Variants in WWOX observed in about 807,000 individuals in gnomAD.
WWOX encodes the protein WW domain containing oxidoreductase, also known as WW domain-containing oxidoreductase.
In WWOX, 69 loss-of-function variants were observed where a neutral mutation model predicts 46.2. The ratio of observed to expected loss-of-function variants is 1.49; its 90% CI spans 1.23 to 1.82. WWOX has a LOEUF of 1.82. WWOX is among the 40% of genes most tolerant of loss of function. The pLI is 0.00. For synonymous variants in WWOX, 359 were observed against 202.6 expected, an observed-to-expected ratio of 1.77 and a Z score of -6.56; for missense variants, 919 against 542.6, an observed-to-expected ratio of 1.69 and a Z score of -6.89.
chr16:79,199,574 C>G (rs1041956978), intron 8 of WWOX, among the ~76,000 whole-genome samples: 2 of 152,140 alleles, frequency 1.3e-5, no homozygotes, highest in Non-Finnish European at 2.9e-5. Context: ...TACAATGAGA[C>G]TGTAGTAACT....
intron 8 of WWOX, among the ~76,000 whole-genome samples, chr16:78,707,840 TATAAATAAATAAATAAATAA>T (rs10582418): frequency 2.0e-4 from 29 of 143,858 alleles, no homozygotes; most frequent in South Asian, 4.5e-4. Flanking sequence ...GTCTCAAAAA[TATAAATAAATAAATAAATAA>T]ATAAATAAAT....
At chr16:78,211,296 C>T (rs1371422116) in intron 5 of WWOX, among the ~76,000 whole-genome samples, 1 of 152,180 alleles carries the variant, frequency 6.6e-6, no homozygotes, top group Non-Finnish European at 1.5e-5. Context: ...ACTCACACGT[C>T]ACAAGGAGTC....
intron 8 of WWOX, among the ~76,000 whole-genome samples, chr16:78,728,072 T>G (rs2048879108): frequency 7.0e-6 from 1 of 142,452 alleles, no homozygotes. Context: ...TTTTTTTTTT[T>G]TTTTTTTTTT....
chr16:78,514,607 C>T (rs546912152), intron 8 of WWOX, among the ~76,000 whole-genome samples: 2 of 152,280 alleles, frequency 1.3e-5, no homozygotes, highest in East Asian at 3.9e-4. Flanking sequence ...ATTTCCTTAC[C>T]TGTCCCAGGG....
intron 8 of WWOX, among the ~76,000 whole-genome samples, chr16:78,500,306 C>A (rs534679984): frequency 6.6e-6 from 1 of 152,280 alleles, no homozygotes; most frequent in South Asian, 2.1e-4. Context: ...ATTCCGCTTG[C>A]CAAGATTAAA....
At chr16:78,428,598 G>A (rs1451058926) in intron 7 of WWOX, among the ~76,000 whole-genome samples, 1 of 152,252 alleles carries the variant, frequency 6.6e-6, no homozygotes, top group Non-Finnish European at 1.5e-5. Context: ...TTCTAGATTA[G>A]GGATCAAGAA....
chr16:78,227,608 G>C (rs1243147535), intron 5 of WWOX, among the ~76,000 whole-genome samples: 2 of 152,184 alleles, frequency 1.3e-5, no homozygotes, highest in Non-Finnish European at 2.9e-5. Context: ...CGGATGCGGT[G>C]GCTCACACCT....
intron 8 of WWOX, among the ~76,000 whole-genome samples, chr16:78,670,125 G>T (rs1383350379): frequency 6.6e-6 from 1 of 151,392 alleles, no homozygotes; most frequent in Non-Finnish European, 1.5e-5. Context: ...GGGCTTCTCT[G>T]CGTCAGTAGA....
At chr16:78,565,801 C>T (rs1597276538) in intron 8 of WWOX, among the ~76,000 whole-genome samples, 1 of 152,102 alleles carries the variant, frequency 6.6e-6, no homozygotes, top group Non-Finnish European at 1.5e-5. Context: ...TAAGCTTTAT[C>T]CAGGGGGCCA....
chr16:78,476,481 A>C (rs955342352), intron 8 of WWOX, among the ~76,000 whole-genome samples: 2 of 152,178 alleles, frequency 1.3e-5, no homozygotes, highest in African/African-American at 4.8e-5. Context: ...GGAGAGGGAT[A>C]GCATTAGGAG....
intron 8 of WWOX, among the ~76,000 whole-genome samples, chr16:78,829,086 AGATGGATGGATGGATGGATGGATGGATG>A (rs59225171): frequency 1.4e-5 from 2 of 147,604 alleles, no homozygotes; most frequent in African/African-American, 5.1e-5. Context: ...TCCATCTGGA[AGATGGATGGATGGATGGATGGATGGATG>A]GATGGATGGA....
chr16:78,995,412 A>G (rs943386856), intron 8 of WWOX, among the ~76,000 whole-genome samples: 2 of 152,132 alleles, frequency 1.3e-5, no homozygotes, highest in Admixed American at 6.5e-5. Context: ...ATGAAAAGAA[A>G]GCCTTCCTTT....
At chr16:79,160,616 T>C (rs2050466654) in intron 8 of WWOX, among the ~76,000 whole-genome samples, 2 of 152,216 alleles carry the variant, frequency 1.3e-5, no homozygotes, top group African/African-American at 4.8e-5. Context: ...ATTTATTCTT[T>C]TTTTGAAGAG....
chr16:78,119,889 T>C (rs1407646122), intron 4 of WWOX, among the ~76,000 whole-genome samples: 2 of 152,228 alleles, frequency 1.3e-5, no homozygotes, highest in African/African-American at 2.4e-5. Flanking sequence ...AAAATTTTTT[T>C]CAGAGTTTGG....
chr16:78,762,916 G>A (rs115573146), intron 8 of WWOX, among the ~76,000 whole-genome samples: 3,933 of 152,290 alleles, frequency 0.026, 168 homozygotes, highest in African/African-American at 0.089. Flanking sequence ...TGTTATTATT[G>A]AAGGCTGAGA....
chr16:78,389,667 TGTGGAATGTGGGTAGAGGGGCC>T (rs558415706), intron 6 of WWOX, among the ~76,000 whole-genome samples: 50 of 152,298 alleles, frequency 3.3e-4, no homozygotes, highest in African/African-American at 1.2e-3. Flanking sequence ...ATCCAAGGCA[TGTGGAATGTGGGTAGAGGGGCC>T]GATTTAGCCT....
At chr16:78,615,010 C>T (rs1323783219) in intron 8 of WWOX, among the ~76,000 whole-genome samples, 1 of 152,116 alleles carries the variant, frequency 6.6e-6, no homozygotes, top group African/African-American at 2.4e-5. Flanking sequence ...CAGCTCCCTC[C>T]CTAATCTTGC....
intron 8 of WWOX, among the ~76,000 whole-genome samples, chr16:78,874,628 G>A (rs1026574945): frequency 2.0e-5 from 3 of 151,038 alleles, no homozygotes; most frequent in Non-Finnish European, 2.9e-5. Context: ...TTGGCAATGG[G>A]TAGTGGACAA....
At chr16:78,413,684 C>G (rs192905400) in intron 6 of WWOX, among the ~76,000 whole-genome samples, 121 of 151,998 alleles carry the variant, frequency 8.0e-4, no homozygotes, top group African/African-American at 2.7e-3. Flanking sequence ...ATGGCTTAGC[C>G]TGGGCTCAGA....
Sources: gnomAD v4.1 joint callset for allele counts (sites outside exome capture counted in the v4.1 genomes callset) on GRCh38, gnomAD v4.1.1 for gene constraint, MANE v1.5 for transcripts, NCBI Gene and HGNC (gene_info 2026-07-23, HGNC 2026-07-21) for gene names.